FAM120B: variants seen among roughly 807,000 people sequenced by gnomAD.
The protein encoded by FAM120B is family with sequence similarity 120 member B, also known as constitutive coactivator of peroxisome proliferator-activated receptor gamma.
Under a neutral mutation model 96.3 loss-of-function variants are expected in FAM120B, and 83 were observed. That is an observed-to-expected ratio of 0.86 (90% CI 0.72 to 1.03). FAM120B has a LOEUF of 1.03. Among genes scored for constraint, FAM120B ranks in the 50% least tolerant of loss-of-function variants. The probability of loss-of-function intolerance (pLI) is 0.00; values close to 1 mark genes in which losing one functional copy is unlikely to be tolerated. For missense variants in FAM120B, 1,027 were observed against 1,121.2 expected, an observed-to-expected ratio of 0.92 and a Z score of 1.20; for synonymous variants, 407 against 402.7, an observed-to-expected ratio of 1.01 and a Z score of -0.13.
At chr6:170,401,322 T>A (rs573501235) in intron 9 of FAM120B, among the ~76,000 whole-genome samples, 1 of 152,202 alleles carries the variant, frequency 6.6e-6, no homozygotes, top group South Asian at 2.1e-4. Context: ...GGTCTCCAAG[T>A]GGCATTCAGC....
intron 6 of FAM120B, among the ~76,000 whole-genome samples, 159 bp downstream of exon 6, chr6:170,358,477 C>G (rs553692544): frequency 3.7e-4 from 57 of 152,344 alleles, no homozygotes; most frequent in Admixed American, 2.1e-3. Flanking sequence ...TCTTTAATGG[C>G]TCTGGGATGA....
chr6:170,326,520 A>T (rs1257473496), intron 3 of FAM120B, among the ~76,000 whole-genome samples: 1 of 152,186 alleles, frequency 6.6e-6, no homozygotes, highest in Non-Finnish European at 1.5e-5. Context: ...TAAACCCTAT[A>T]ATACATGAGG....
chr6:170,348,114 A>G lies in FAM120B; in HGVS notation c.2018-37A>G, dbSNP rs367931860. On this transcript the variant is annotated intron_variant, in intron 4 of 10. Transcript: ENST00000476287. ...GGAGCATATTATAACTCTGTGCTGCAAAGAACAATAGTTAATGGACTTTTT... is the reference window on the plus strand; with the variant it reads ...GGAGCATATTATAACTCTGTGCTGCGAAGAACAATAGTTAATGGACTTTTT... 5 of 1,565,296 alleles carry G rather than the reference A, an allele frequency of 3.2e-6. No homozygotes were observed. The African/African-American group carries it at 5.4e-5, about 17-fold the overall frequency.
rs138722258 is a variant in FAM120B at position 170,397,853 on chromosome 6, A to C, written c.2692+2274A>C. Among the ~76,000 whole-genome samples, 344 of 152,318 alleles carry C rather than the reference A, an allele frequency of 2.3e-3. 2 individuals carry two copies. The highest frequency in any genetic ancestry group is 0.014 in the Middle Eastern group (4 of 294). The stretch of plus-strand genomic sequence containing the variant: ...TCAGCAGAACCCACCTGACCCAGTA[A>C]GGCAGGCTGGCAGGGGAGGGAAGAG... On this transcript the variant is annotated intron_variant, in intron 9 of 10. Transcript: ENST00000476287.
At chr6:170,336,295 TA>T (rs1197592966) in intron 4 of FAM120B, among the ~76,000 whole-genome samples, 2 of 152,224 alleles carry the variant, frequency 1.3e-5, no homozygotes, top group Admixed American at 1.3e-4. Flanking sequence ...CACCATTTAT[TA>T]AACAGGGAAT....
intron 4 of FAM120B, among the ~76,000 whole-genome samples, chr6:170,331,093 A>G (rs901054815): frequency 1.3e-5 from 2 of 152,372 alleles, no homozygotes; most frequent in East Asian, 1.9e-4. Flanking sequence ...GAGGTAAGGA[A>G]AAACAAAGTT....
At chr6:170,390,766 A>G (rs1281152893) in intron 7 of FAM120B, among the ~76,000 whole-genome samples, 2 of 152,180 alleles carry the variant, frequency 1.3e-5, no homozygotes, top group Non-Finnish European at 2.9e-5. Flanking sequence ...TAACCTACAG[A>G]AGCTGCTTGG....
intron 5 of FAM120B, among the ~76,000 whole-genome samples, chr6:170,350,425 A>G (rs1232963044): frequency 6.6e-6 from 1 of 152,174 alleles, no homozygotes; most frequent in Non-Finnish European, 1.5e-5. Context: ...CCCCATCTCC[A>G]GTGCAGCACA....
At position 170,395,560 on chromosome 6, in the gene FAM120B, G is replaced by A. The variant is rs778690332; in HGVS notation, c.2673G>A (p.Pro891=). The A allele has an allele frequency of 6.3e-6, 10 of 1,595,348 alleles. No individual in the cohort carries two copies. The highest frequency in any genetic ancestry group is 1.1e-5 in the South Asian group (1 of 87,590). Residue 891 remains proline (P), a synonymous_variant, in exon 9 of 11, where the codon CCG becomes CCA. Coordinates refer to ENST00000476287, the MANE Select transcript of FAM120B (RefSeq NM_032448.3). The part of the protein sequence containing the change: ...SGYSRSSQGQ[P]WRDQGPGSRQ... The stretch of plus-strand genomic sequence containing the variant: ...ATAGCCGTTCCAGTCAGGGACAGCC[G>A]TGGAGAGACCAGGGACCAGGTAAGA...
At chr6:170,298,304 A>C (rs560185327) in intron 1 of FAM120B, 2 of 152,340 alleles carry the variant, frequency 1.3e-5, no homozygotes, top group East Asian at 3.9e-4. Flanking sequence ...AAAAAGAAGG[A>C]ACAAAATTTA....
In FAM120B at chr6:170,295,612, A is replaced by C. The variant is rs1326731139; in HGVS notation, c.48+159A>C. ...CCGGGGGCGAAGGAATCAGCCCCGC[A>C]GCGGCTCCTAAGCCTCCCCGCTGGC... is the stretch of plus-strand genomic sequence containing the variant. On this transcript the variant is annotated intron_variant, in intron 1 of 10. Transcript: ENST00000537664. The surrounding 1 kb of genome is among the most constrained non-coding windows in gnomAD (Gnocchi z 7.8). Among the ~76,000 whole-genome samples the C allele has an allele frequency of 1.3e-5, 2 of 152,156 alleles. No individual in the cohort carries two copies. Among genetic ancestry groups the C allele is most frequent in the African/African-American group, 4.8e-5 (2 of 41,444 alleles).
At chr6:170,332,630 G>A (rs1280159431) in intron 4 of FAM120B, among the ~76,000 whole-genome samples, 2 of 152,078 alleles carry the variant, frequency 1.3e-5, no homozygotes, top group Non-Finnish European at 2.9e-5. Context: ...CCCTGGAGGC[G>A]GAGGTTGCAG....
At chr6:170,310,783 C>A (rs1460776011) in intron 1 of FAM120B, among the ~76,000 whole-genome samples, 1 of 152,182 alleles carries the variant, frequency 6.6e-6, no homozygotes, top group East Asian at 1.9e-4. Context: ...GTGTTACAGC[C>A]CCCAACCAAA....
At chr6:170,327,133 G>A (rs939427059) in intron 3 of FAM120B, among the ~76,000 whole-genome samples, 3 of 151,854 alleles carry the variant, frequency 2.0e-5, no homozygotes, top group Admixed American at 6.6e-5. Context: ...TGCAAGCTCC[G>A]CCTCCCGGGT....
intron 3 of FAM120B, among the ~76,000 whole-genome samples, chr6:170,325,573 G>A (rs1785538978): frequency 1.3e-5 from 2 of 151,482 alleles, no homozygotes; most frequent in Non-Finnish European, 2.9e-5. Flanking sequence ...GGGCACGGTA[G>A]CTCACGCCTG....
chr6:170,375,106 T>G (rs1428022462), intron 6 of FAM120B, among the ~76,000 whole-genome samples: 5 of 152,232 alleles, frequency 3.3e-5, no homozygotes, highest in Non-Finnish European at 7.3e-5. Context: ...CAGGGCTCCC[T>G]CTGCTGTAAC....
At chr6:170,348,120 C>CA (rs961053454) in intron 4 of FAM120B, 31 bp from the exon 5 acceptor site, 4 of 1,585,894 alleles carry the variant, frequency 2.5e-6, no homozygotes, top group Non-Finnish European at 3.5e-6. Context: ...CTGCAAAGAA[C>CA]AATAGTTAAT....
intron 6 of FAM120B, among the ~76,000 whole-genome samples, chr6:170,378,997 G>A (rs913159478): frequency 3.3e-5 from 5 of 152,240 alleles, no homozygotes; most frequent in African/African-American, 9.6e-5. Flanking sequence ...GGAGCCATGG[G>A]CCCAGGCAGC....
At chr6:170,376,555 G>A (rs770218200) in intron 6 of FAM120B, among the ~76,000 whole-genome samples, 2 of 152,104 alleles carry the variant, frequency 1.3e-5, no homozygotes, top group African/African-American at 4.8e-5. Flanking sequence ...GGATGACCAC[G>A]TGCAGCAGAG....
Sources: gnomAD v4.1 joint callset for allele counts (sites outside exome capture counted in the v4.1 genomes callset) on GRCh38, gnomAD v4.1.1 for gene constraint, Gnocchi (gnomAD v3.1) non-coding constraint, MANE v1.5 for transcripts, NCBI Gene and HGNC (gene_info 2026-07-23, HGNC 2026-07-21) for gene names.